RSRC1: variants seen among roughly 807,000 people sequenced by gnomAD.
RSRC1 encodes the protein arginine and serine rich coiled-coil 1.
Under a neutral mutation model 49.1 loss-of-function variants are expected in RSRC1, and 39 were observed. The ratio of observed to expected loss-of-function variants is 0.79; its 90% CI spans 0.61 to 1.04. The LOEUF is 1.04. Among genes scored for constraint, RSRC1 ranks in the 50% least tolerant of loss-of-function variants. RSRC1 has a pLI of 0.00. For missense variants in RSRC1, 388 were observed against 402.4 expected (o/e 0.96, Z 0.31); for synonymous variants, 143 against 130.8 (o/e 1.09, Z -0.63).
chr3:158,463,089 C>T (rs1388720471), intron 7 of RSRC1, among the ~76,000 whole-genome samples: 3 of 151,946 alleles, frequency 2.0e-5, no homozygotes, highest in Non-Finnish European at 4.4e-5. Context: ...TGCTAAGTAG[C>T]TTATTTTGAG....
Position 158,198,143 on chromosome 3 carries a change from T to A in RSRC1, c.321-4929T>A, listed in dbSNP as rs1299429211. On this transcript the variant is annotated intron_variant, in intron 3 of 9. Transcript: ENST00000611884. Reference sequence around the variant, plus strand: ...GGGAGTCTAAGTCTCTTTGTAAGTCTCTGAGGACTTGCTTTATGAATCTGG... The same window carrying A: ...GGGAGTCTAAGTCTCTTTGTAAGTCACTGAGGACTTGCTTTATGAATCTGG... Among the ~76,000 whole-genome samples, 19 of 152,146 alleles carry A rather than the reference T, an allele frequency of 1.2e-4. No individual in the cohort carries two copies. In the East Asian group the frequency reaches 3.5e-3, roughly 28 times the overall value.
intron 3 of RSRC1, among the ~76,000 whole-genome samples, chr3:158,179,676 T>G (rs1320729626): frequency 6.6e-6 from 1 of 152,206 alleles, no homozygotes; most frequent in Non-Finnish European, 1.5e-5. Flanking sequence ...TTGGCTGTTA[T>G]AAGAAAAGTT....
At chr3:158,528,107 G>A (rs1395982330) in intron 7 of RSRC1, among the ~76,000 whole-genome samples, 1 of 151,678 alleles carries the variant, frequency 6.6e-6, no homozygotes, top group Non-Finnish European at 1.5e-5. Context: ...ATATATAAAG[G>A]TTATTGGGGA....
chr3:158,436,965 C>G (rs572259418), intron 6 of RSRC1, among the ~76,000 whole-genome samples: 29 of 151,906 alleles, frequency 1.9e-4, no homozygotes, highest in African/African-American at 5.1e-4. Flanking sequence ...GGATTCAAAC[C>G]GAGACAGTCT....
Position 158,123,736 on chromosome 3 carries a change from A to T in RSRC1, c.195-130A>T, listed in dbSNP as rs1182157234. ...TTCAAGAGAAATAACATTTTAATTT[A>T]TCTCTGTTTGCTTCCAGGAAACAGT... On this transcript the variant is annotated intron_variant, in intron 2 of 9. Coordinates refer to ENST00000611884, the MANE Select transcript of RSRC1 (RefSeq NM_001271838.2). 4 of 777,374 alleles carry T rather than the reference A, an allele frequency of 5.1e-6. No homozygotes were observed. The South Asian group carries it at 7.5e-5, about 15-fold the overall frequency. 48.2% of individuals were successfully genotyped at this position (777,374 alleles called of 1,614,324 possible).
chr3:158,186,254 A>G (rs1719924593), intron 3 of RSRC1, among the ~76,000 whole-genome samples: 1 of 151,968 alleles, frequency 6.6e-6, no homozygotes, highest in South Asian at 2.1e-4. Context: ...CTTGTTTAAA[A>G]TCTGTCTATT....
chr3:158,520,740 T>C (rs958209437), intron 7 of RSRC1, among the ~76,000 whole-genome samples: 5 of 152,188 alleles, frequency 3.3e-5, no homozygotes, highest in African/African-American at 1.2e-4. Context: ...TTTTCAAAGG[T>C]TTATGTTTAT....
intron 3 of RSRC1, among the ~76,000 whole-genome samples, chr3:158,184,014 G>A (rs1344922159): frequency 6.6e-6 from 1 of 152,014 alleles, no homozygotes; most frequent in African/African-American, 2.4e-5. Context: ...TCTTCTTTGT[G>A]TTGTTTCCAA....
chr3:158,233,588 C>G (rs148661754), intron 4 of RSRC1, among the ~76,000 whole-genome samples: 13 of 152,194 alleles, frequency 8.5e-5, no homozygotes, highest in Non-Finnish European at 1.8e-4. Context: ...TTCTGCAAAG[C>G]ATTAATTTTG....
rs532509695 is a variant in RSRC1 at position 158,498,969 on chromosome 3, A to G, written c.652+37966A>G. Among the ~76,000 whole-genome samples, 26 of 152,274 alleles carry G rather than the reference A, an allele frequency of 1.7e-4. 1 individual carries two copies. In the South Asian group the frequency reaches 5.2e-3, roughly 30 times the overall value. On this transcript the variant is annotated intron_variant, in intron 7 of 9. Coordinates refer to ENST00000611884, the MANE Select transcript of RSRC1 (RefSeq NM_001271838.2). ...CCAGTACCACACTGTTTTGGTGACT[A>G]TGGCCTTATAGTATAGTTTGAAATC... is the stretch of plus-strand genomic sequence containing the variant.
chr3:158,242,077 C>T (rs1370755966), intron 4 of RSRC1, among the ~76,000 whole-genome samples: 19 of 104,776 alleles, frequency 1.8e-4, no homozygotes, highest in Middle Eastern at 0.013. Flanking sequence ...GGTACATATG[C>T]GGAATGTGCA....
chr3:158,195,248 G>A (rs1196852570), intron 3 of RSRC1, among the ~76,000 whole-genome samples: 5 of 152,124 alleles, frequency 3.3e-5, no homozygotes, highest in Non-Finnish European at 5.9e-5. Context: ...CTGATGGCCA[G>A]TGATGATGAG....
At chr3:158,314,324 C>T (rs932791224) in intron 5 of RSRC1, among the ~76,000 whole-genome samples, 2 of 152,000 alleles carry the variant, frequency 1.3e-5, no homozygotes, top group Non-Finnish European at 2.9e-5. Context: ...AACTCCTGAC[C>T]TCAGGTGATC....
intron 6 of RSRC1, among the ~76,000 whole-genome samples, chr3:158,386,748 T>C (rs537867287): frequency 1.3e-5 from 2 of 151,844 alleles, no homozygotes; most frequent in Non-Finnish European, 2.9e-5. Flanking sequence ...TAAATTGACT[T>C]ATATGCCTCT....
chr3:158,197,136 T>C (rs1229997412), intron 3 of RSRC1, among the ~76,000 whole-genome samples: 1 of 152,196 alleles, frequency 6.6e-6, no homozygotes, highest in Non-Finnish European at 1.5e-5. Context: ...GGTCCTGGAC[T>C]GTTTTTGGTT....
At chr3:158,532,595 A>C (rs1398350063) in intron 7 of RSRC1, among the ~76,000 whole-genome samples, 1 of 151,802 alleles carries the variant, frequency 6.6e-6, no homozygotes, top group Non-Finnish European at 1.5e-5. Flanking sequence ...ATTTTTCATC[A>C]CAAAAGGAAA....
chr3:158,276,331 G>A (rs1306553987), intron 4 of RSRC1: 13 of 765,562 alleles, frequency 1.7e-5, no homozygotes, highest in Admixed American at 8.6e-5. Context: ...GAGAGCTGGC[G>A]GTACTGCCAG....
At chr3:158,305,025 C>T (rs1199854562) in intron 5 of RSRC1, among the ~76,000 whole-genome samples, 1 of 152,034 alleles carries the variant, frequency 6.6e-6, no homozygotes, top group Admixed American at 6.6e-5. Context: ...ATAAACAGTG[C>T]CATGTCAAGT....
At chr3:158,393,548 A>T (rs1252821875) in intron 6 of RSRC1, among the ~76,000 whole-genome samples, 4 of 152,074 alleles carry the variant, frequency 2.6e-5, no homozygotes, top group African/African-American at 9.7e-5. Flanking sequence ...CTCTGCACAC[A>T]AACTAGAAAA....
Sources: allele counts gnomAD v4.1 joint callset (sites outside exome capture counted in the v4.1 genomes callset), GRCh38; gene constraint gnomAD v4.1.1; transcripts MANE v1.5; gene names NCBI Gene and HGNC (gene_info 2026-07-23, HGNC 2026-07-21).